The following CSMD3 variants were observed in gnomAD, a reference collection of about 807,000 sequenced individuals.
CSMD3 encodes the protein CUB and Sushi multiple domains 3, also known as CUB and sushi domain-containing protein 3.
Under a neutral mutation model 435.2 loss-of-function variants are expected in CSMD3, and 177 were observed. That is an observed-to-expected ratio of 0.41 (90% CI 0.36 to 0.46). The LOEUF is 0.46. Among genes scored for constraint, CSMD3 ranks in the 20% least tolerant of loss-of-function variants. The pLI, the probability that CSMD3 is intolerant of heterozygous loss-of-function variation, is 0.34. For synonymous variants in CSMD3, 1,656 were observed against 1,520.5 expected (o/e 1.09, Z -2.07); for missense variants, 4,265 against 4,504.6 (o/e 0.95, Z 1.52).
intron 4 of CSMD3, among the ~76,000 whole-genome samples, chr8:113,106,311 T>A: frequency 6.6e-6 from 1 of 151,406 alleles, no homozygotes. Context: ...AGACACAAAA[T>A]ATATTACTAG....
At chr8:112,887,643 A>G (rs182184879) in intron 10 of CSMD3, among the ~76,000 whole-genome samples, 1 of 151,426 alleles carries the variant, frequency 6.6e-6, no homozygotes, top group Non-Finnish European at 1.5e-5. Context: ...TCTGTGTATT[A>G]TTTTATAGTA....
At chr8:112,735,450 T>A (rs754524190) in intron 13 of CSMD3, among the ~76,000 whole-genome samples, 8 of 152,174 alleles carry the variant, frequency 5.3e-5, no homozygotes, top group Middle Eastern at 3.4e-3. Context: ...AAGTGTTAAT[T>A]GAAAGTATTC....
Position 112,472,653 on chromosome 8 carries a change from T to C in CSMD3, c.5333A>G (p.Tyr1778Cys), listed in dbSNP as rs770491517. The stretch of plus-strand genomic sequence containing the variant: ...ATGTCCCACACTGTAATTTTTTGGA[T>C]AGTTTGGTGATAGAACAGTGCCTTC... ...GSEGTVLSPNYPKNYSVGHNC... is the reference protein window; with the variant it reads ...GSEGTVLSPNCPKNYSVGHNC... Residue 1778 changes from tyrosine (Y) to cysteine (C), a missense_variant, in exon 32 of 71, where the codon TAT (tyrosine) becomes TGT (cysteine). By Grantham distance (194) the Tyr-to-Cys change is radical (BLOSUM62 -2). Transcript: ENST00000297405. The C allele has an allele frequency of 1.9e-6, 3 of 1,612,556 alleles. No individual in the cohort carries two copies. The South Asian group carries it at 3.3e-5, about 18-fold the overall frequency.
chr8:112,386,050 G>A (rs1462424653), intron 36 of CSMD3, among the ~76,000 whole-genome samples: 2 of 152,140 alleles, frequency 1.3e-5, no homozygotes, highest in Non-Finnish European at 2.9e-5. Flanking sequence ...ATGTGAACAC[G>A]GAGGCAGAAA....
chr8:113,236,831 A>G (rs776298374), intron 3 of CSMD3, among the ~76,000 whole-genome samples: 2 of 152,002 alleles, frequency 1.3e-5, no homozygotes, highest in Admixed American at 6.6e-5. Flanking sequence ...CTCTCTATCT[A>G]TCTATCTACC....
Position 112,550,840 on chromosome 8 carries a change from T to G in CSMD3, c.4395A>C (p.Ser1465=). The G allele has an allele frequency of 6.2e-7, 1 of 1,612,498 alleles. No homozygotes were observed. The part of the protein sequence containing the change: ...LQFLAFDTEA[S]HDILRVWDGP... ...CGTCCCAGACTCGGAGTATATCATG[T>G]GATGCTTCCGTATCAAAAGCAAGAA... Residue 1465 remains serine (S), a synonymous_variant, in exon 27 of 71, where the codon TCA becomes TCC. Coordinates refer to ENST00000297405, the MANE Select transcript of CSMD3 (RefSeq NM_198123.2).
At chr8:112,941,693 T>C (rs913973724) in intron 9 of CSMD3, among the ~76,000 whole-genome samples, 1 of 151,840 alleles carries the variant, frequency 6.6e-6, no homozygotes, top group Non-Finnish European at 1.5e-5. Flanking sequence ...TAACATATTA[T>C]CATTAAAATA....
At chr8:113,105,654 C>CA (rs2090453017) in intron 4 of CSMD3, among the ~76,000 whole-genome samples, 1 of 151,952 alleles carries the variant, frequency 6.6e-6, no homozygotes, top group Non-Finnish European at 1.5e-5. Context: ...ATGGAGTATT[C>CA]AGTAGAAATC....
At chr8:112,724,888 C>G (rs1282584564) in intron 13 of CSMD3, among the ~76,000 whole-genome samples, 1 of 151,996 alleles carries the variant, frequency 6.6e-6, no homozygotes, top group Non-Finnish European at 1.5e-5. Context: ...GCATTTAGTG[C>G]TAAGATAAAT....
At chr8:112,454,081 C>G (rs1171928234) in intron 32 of CSMD3, among the ~76,000 whole-genome samples, 2 of 152,090 alleles carry the variant, frequency 1.3e-5, no homozygotes, top group Non-Finnish European at 2.9e-5. Flanking sequence ...TGCCTTTGAC[C>G]ATATATAAGA....
At chr8:112,446,765 C>A (rs536346149) in intron 32 of CSMD3, among the ~76,000 whole-genome samples, 1 of 152,158 alleles carries the variant, frequency 6.6e-6, no homozygotes, top group African/African-American at 2.4e-5. Flanking sequence ...TTACTGGAGG[C>A]TTTTTGCTTT....
chr8:113,402,967 G>C (rs2094516642), intron 1 of CSMD3, among the ~76,000 whole-genome samples: 1 of 151,010 alleles, frequency 6.6e-6, no homozygotes, highest in Non-Finnish European at 1.5e-5. Flanking sequence ...GTGCACTATT[G>C]GCTTCAAGAC....
At chr8:112,933,990 CTG>C (rs2130724975) in intron 9 of CSMD3, among the ~76,000 whole-genome samples, 1 of 152,200 alleles carries the variant, frequency 6.6e-6, no homozygotes, top group South Asian at 2.1e-4. Flanking sequence ...TGAGCTAAGA[CTG>C]TAAACTCTTG....
chr8:112,644,058 TAATAC>T (rs1323422488), intron 20 of CSMD3, among the ~76,000 whole-genome samples: 2 of 151,634 alleles, frequency 1.3e-5, no homozygotes, highest in African/African-American at 4.8e-5. Context: ...TTCAATAATA[TAATAC>T]ATCAACAGAG....
At chr8:113,274,665 G>A (rs565228190) in intron 3 of CSMD3, among the ~76,000 whole-genome samples, 41 of 151,968 alleles carry the variant, frequency 2.7e-4, no homozygotes, top group Non-Finnish European at 4.7e-4. Flanking sequence ...ATTTCAATAC[G>A]CTAAATTGTC....
chr8:113,153,107 AAG>A (rs1491078707), intron 4 of CSMD3, among the ~76,000 whole-genome samples: 2 of 122,846 alleles, frequency 1.6e-5, no homozygotes, highest in East Asian at 2.3e-4. Flanking sequence ...AAAGAAAAGA[AAG>A]AAAGAAAGAA....
chr8:113,001,182 A>G (rs923011534), intron 6 of CSMD3, among the ~76,000 whole-genome samples: 2 of 151,960 alleles, frequency 1.3e-5, no homozygotes, highest in African/African-American at 2.4e-5. Flanking sequence ...TTTTTGTCAC[A>G]CTATAGTATA....
chr8:113,026,353 C>T (rs933388180), intron 5 of CSMD3, among the ~76,000 whole-genome samples: 3 of 152,168 alleles, frequency 2.0e-5, no homozygotes, highest in African/African-American at 7.2e-5. Context: ...TCACCACTTC[C>T]TTGTGGTGAA....
At chr8:113,312,424 T>C (rs1009679746) in intron 2 of CSMD3, 1 of 152,162 alleles carries the variant, frequency 6.6e-6, no homozygotes, top group African/African-American at 2.4e-5. Flanking sequence ...AAAATCTCTG[T>C]GAATTAAGTG....
Sources: gnomAD v4.1 joint callset for allele counts (sites outside exome capture counted in the v4.1 genomes callset) on GRCh38, gnomAD v4.1.1 for gene constraint, MANE v1.5 for transcripts, NCBI Gene and HGNC (gene_info 2026-07-23, HGNC 2026-07-21) for gene names.